The following CPNE8 variants were observed in gnomAD, a reference collection of about 807,000 sequenced individuals.
The protein encoded by CPNE8 is copine-8.
A neutral mutation model predicts 81.5 loss-of-function variants in CPNE8; 45 were observed. The observed-to-expected ratio is 0.55, with a 90% confidence interval of 0.44 to 0.71. CPNE8 has a LOEUF of 0.71. Among genes scored for constraint, CPNE8 ranks in the 30% least tolerant of loss-of-function variants. The pLI is 0.00. For missense variants in CPNE8, 594 were observed against 672.1 expected, an observed-to-expected ratio of 0.88 and a Z score of 1.28; for synonymous variants, 252 against 226.3, an observed-to-expected ratio of 1.11 and a Z score of -1.02.
chr12:38,789,243 T>A (rs1322674666), intron 6 of CPNE8, among the ~76,000 whole-genome samples: 2 of 151,770 alleles, frequency 1.3e-5, no homozygotes, highest in Non-Finnish European at 2.9e-5. Context: ...AGTACTGGCA[T>A]AAAAGTAGAC....
At chr12:38,857,157 CT>C (rs1943754566) in intron 3 of CPNE8, among the ~76,000 whole-genome samples, 1 of 152,082 alleles carries the variant, frequency 6.6e-6, no homozygotes, top group Non-Finnish European at 1.5e-5. Context: ...TAGCAAAACC[CT>C]ATCACACACT....
At chr12:38,660,851 G>GA (rs1410349066) in intron 19 of CPNE8, among the ~76,000 whole-genome samples, 2 of 152,160 alleles carry the variant, frequency 1.3e-5, no homozygotes, top group Admixed American at 6.5e-5. Flanking sequence ...ACAGACATAT[G>GA]AAAAAATGCT....
chr12:38,841,178 A>G (rs578243358), intron 4 of CPNE8, among the ~76,000 whole-genome samples: 4 of 152,280 alleles, frequency 2.6e-5, no homozygotes, highest in Admixed American at 2.0e-4. Flanking sequence ...CTAGGTAATA[A>G]TCATCCAGGG....
intron 6 of CPNE8, among the ~76,000 whole-genome samples, chr12:38,798,289 C>T (rs995244324): frequency 2.0e-5 from 3 of 152,094 alleles, no homozygotes; most frequent in Non-Finnish European, 4.4e-5. Context: ...ATGTTAAGGG[C>T]AGCCAGAGAG....
intron 19 of CPNE8, among the ~76,000 whole-genome samples, chr12:38,666,234 TTAA>T (rs1182673505): frequency 6.6e-6 from 1 of 152,178 alleles, no homozygotes; most frequent in Non-Finnish European, 1.5e-5. Flanking sequence ...GTAATAGATC[TTAA>T]TAATTTTCTT....
Position 38,677,405 on chromosome 12 carries a change from ACCATGTT to A in CPNE8, c.1374+40_1374+46del, listed in dbSNP as rs1939313805. The A allele has an allele frequency of 3.1e-6, 3 of 975,412 alleles. No homozygotes were observed. In the African/African-American group the frequency reaches 4.8e-5, roughly 16 times the overall value. 60.4% of individuals were successfully genotyped at this position (975,412 alleles called of 1,614,324 possible). On this transcript the variant is annotated intron_variant, in intron 17 of 19. Coordinates refer to ENST00000331366, the MANE Select transcript of CPNE8 (RefSeq NM_153634.3). ...AGACTCTAGTCTCTCTCTAAGTAGC[ACCATGTT>A]GTCACGTAGCGAGCCCAATACGGAG...
At chr12:38,766,871 T>G (rs56310820) in intron 8 of CPNE8, among the ~76,000 whole-genome samples, 3,214 of 152,210 alleles carry the variant, frequency 0.021, 107 homozygotes, top group African/African-American at 0.072. Context: ...AGTAACTAAT[T>G]TAATCTGATC....
chr12:38,817,484 A>C (rs946629128), intron 6 of CPNE8, among the ~76,000 whole-genome samples: 1 of 152,016 alleles, frequency 6.6e-6, no homozygotes, highest in East Asian at 1.9e-4. Context: ...AATGACCTAA[A>C]TCAGAATGGG....
chr12:38,824,341 A>G (rs1373388272), intron 6 of CPNE8, among the ~76,000 whole-genome samples: 2 of 152,088 alleles, frequency 1.3e-5, no homozygotes, highest in African/African-American at 4.8e-5. Context: ...CATACAACAA[A>G]CCATTTTACC....
Position 38,685,480 on chromosome 12 carries a change from C to T in CPNE8, c.1271+10G>A. On this transcript the variant is annotated intron_variant, in intron 16 of 19. Transcript: ENST00000331366. Reference sequence around the variant, plus strand: ...CATCAGAATAAGCACCTTGTCTACTCTCTACTTACCTTGCTACATGATTAA... The same window carrying T: ...CATCAGAATAAGCACCTTGTCTACTTTCTACTTACCTTGCTACATGATTAA... The T allele has an allele frequency of 6.2e-7, 1 of 1,611,740 alleles. No individual in the cohort carries two copies. The highest frequency in any genetic ancestry group is 8.5e-7 in the Non-Finnish European group (1 of 1,178,722).
intron 13 of CPNE8, among the ~76,000 whole-genome samples, chr12:38,716,989 A>G (rs185753910): frequency 6.6e-6 from 1 of 152,066 alleles, no homozygotes; most frequent in Non-Finnish European, 1.5e-5. Context: ...ACATGAATAC[A>G]CTGTTCTCAA....
chr12:38,796,149 T>G (rs979952431), intron 6 of CPNE8, among the ~76,000 whole-genome samples: 1 of 152,090 alleles, frequency 6.6e-6, no homozygotes, highest in African/African-American at 2.4e-5. Context: ...TAGCCAGATG[T>G]GGCAGTGCAT....
intron 17 of CPNE8, among the ~76,000 whole-genome samples, chr12:38,676,748 G>C (rs1351124312): frequency 6.6e-6 from 1 of 152,132 alleles, no homozygotes; most frequent in African/African-American, 2.4e-5. Flanking sequence ...TGGAACACTA[G>C]AGCAATCACA....
chr12:38,705,404 C>T (rs925581121), intron 13 of CPNE8, among the ~76,000 whole-genome samples: 7 of 152,010 alleles, frequency 4.6e-5, no homozygotes, highest in South Asian at 4.1e-4. Context: ...TTTTTTCCTA[C>T]GGAAACAACA....
At chr12:38,884,185 A>T (rs1211773405) in intron 1 of CPNE8, among the ~76,000 whole-genome samples, 1 of 152,072 alleles carries the variant, frequency 6.6e-6, no homozygotes, top group Admixed American at 6.6e-5. Context: ...ACCCATCAAA[A>T]ATCACACCCT....
At chr12:38,800,982 A>G (rs907727049) in intron 6 of CPNE8, among the ~76,000 whole-genome samples, 1 of 149,834 alleles carries the variant, frequency 6.7e-6, no homozygotes, top group African/African-American at 2.5e-5. Flanking sequence ...AAATGAGCAA[A>G]GCCTCCAAGA....
At chr12:38,691,122 TG>T (rs1939666016) in intron 15 of CPNE8, among the ~76,000 whole-genome samples, 1 of 152,216 alleles carries the variant, frequency 6.6e-6, no homozygotes, top group Non-Finnish European at 1.5e-5. Context: ...ACATATATCA[TG>T]GTGTTAATAT....
chr12:38,702,498 G>A (rs1353246650), intron 14 of CPNE8, among the ~76,000 whole-genome samples: 1 of 152,052 alleles, frequency 6.6e-6, no homozygotes, highest in African/African-American at 2.4e-5. Flanking sequence ...CTATAAAAAT[G>A]AGGATTATAA....
intron 6 of CPNE8, among the ~76,000 whole-genome samples, chr12:38,786,890 A>G (rs565736835): frequency 6.6e-6 from 1 of 152,298 alleles, no homozygotes; most frequent in Non-Finnish European, 1.5e-5. Context: ...ATACAATTAT[A>G]CTGGAGACTG....
Sources: gnomAD v4.1 joint callset for allele counts (sites outside exome capture counted in the v4.1 genomes callset) on GRCh38, gnomAD v4.1.1 for gene constraint, MANE v1.5 for transcripts, NCBI Gene and HGNC (gene_info 2026-07-23, HGNC 2026-07-21) for gene names.